SCLY: variants seen among roughly 807,000 people sequenced by gnomAD.
SCLY encodes the protein putative selenocysteine lyase.
In SCLY, 38 loss-of-function variants were observed where a neutral mutation model predicts 50.1. The observed-to-expected ratio is 0.76, with a 90% confidence interval of 0.59 to 0.99. The LOEUF is 0.99. SCLY is among the 50% of genes least tolerant of loss of function. The pLI is 0.00. For synonymous variants in SCLY, 243 were observed against 249.4 expected (o/e 0.97, Z 0.24); for missense variants, 600 against 620.0 (o/e 0.97, Z 0.34).
At position 238,066,538 on chromosome 2, in the gene SCLY, C is replaced by T. The variant is rs1381692454; in HGVS notation, c.203-1527C>T. ...TTGTCCACTATGTGGAGAATGGACCCTGGTGGGGGCCTGCTAGGAGAACAT... is the reference window on the plus strand; with the variant it reads ...TTGTCCACTATGTGGAGAATGGACCTTGGTGGGGGCCTGCTAGGAGAACAT... On this transcript the variant is annotated intron_variant, in intron 2 of 11. Coordinates refer to ENST00000254663, the MANE Select transcript of SCLY (RefSeq NM_016510.7). The surrounding 1 kb of genome is among the most constrained non-coding windows in gnomAD (Gnocchi z 4.1). Among the ~76,000 whole-genome samples, 1 of 152,178 alleles carries T rather than the reference C, an allele frequency of 6.6e-6. No homozygotes were observed. The highest frequency in any genetic ancestry group is 1.5e-5 in the Non-Finnish European group (1 of 68,034).
chr2:238,072,809 A>AT (rs2065140002), intron 4 of SCLY, among the ~76,000 whole-genome samples: 1 of 152,154 alleles, frequency 6.6e-6, no homozygotes, highest in Non-Finnish European at 1.5e-5. Flanking sequence ...ATTTGTAAAT[A>AT]TTTTCTCTCA....
intron 11 of SCLY, among the ~76,000 whole-genome samples, chr2:238,097,281 C>T (rs371451639): frequency 6.6e-6 from 1 of 152,208 alleles, no homozygotes; most frequent in East Asian, 1.9e-4. Flanking sequence ...TCAGATCAGC[C>T]ATCTGCAAGA....
At chr2:238,076,537 T>C (rs780850505) in intron 4 of SCLY, among the ~76,000 whole-genome samples, 1 of 152,034 alleles carries the variant, frequency 6.6e-6, no homozygotes, top group Non-Finnish European at 1.5e-5. Context: ...GTTTTTTTTT[T>C]CTATGACCCA....
In SCLY at chr2:238,093,846, T is replaced by C. The variant is rs769790594; in HGVS notation, c.922-15T>C. On this transcript the variant is annotated splice_polypyrimidine_tract_variant and intron_variant, in intron 8 of 11. Transcript: ENST00000254663. ...GCAAGAATTGTGCATCCACTTGTTG[T>C]GTGTCTGCCCCCAGGCCGCGGAGCT... 1 of 1,610,992 alleles carries C rather than the reference T, an allele frequency of 6.2e-7. No individual in the cohort carries two copies. Among genetic ancestry groups the C allele is most frequent in the Non-Finnish European group, 8.5e-7 (1 of 1,178,616 alleles).
At chr2:238,098,115 C>G in intron 11 of SCLY, 87 bp from the exon 12 acceptor site, 1 of 1,493,058 alleles carries the variant, frequency 6.7e-7, no homozygotes, top group Non-Finnish European at 9.0e-7. Context: ...GGCAGAGCCC[C>G]ACTAGGGGAG....
At position 238,081,690 on chromosome 2, in the gene SCLY, A is replaced by G. The variant is rs781371746; in HGVS notation, c.485-19A>G. ...ATCAATTTGTGCAGCTCAGTTCGGT[A>G]CTCATGTTTGTTTCCCAGCGGTCAC... is the stretch of plus-strand genomic sequence containing the variant. On this transcript the variant is annotated intron_variant, in intron 4 of 11. Transcript: ENST00000254663. 5.0e-6 allele frequency: 8 copies of G among 1,610,976 alleles called. No individual in the cohort carries two copies. The highest frequency in any genetic ancestry group is 5.9e-6 in the Non-Finnish European group (7 of 1,177,504).
chr2:238,081,967 G>T (rs371758974), intron 5 of SCLY, 78 bp from the exon 6 acceptor site: 4 of 1,579,430 alleles, frequency 2.5e-6, no homozygotes, highest in Non-Finnish European at 2.6e-6. Context: ...TTTGGCCTGC[G>T]CTCACTACTC....
At chr2:238,073,238 A>C (rs2065143254) in intron 4 of SCLY, among the ~76,000 whole-genome samples, 1 of 152,220 alleles carries the variant, frequency 6.6e-6, no homozygotes, top group South Asian at 2.1e-4. Context: ...TTAGATTGGT[A>C]CCAAACTGTT....
intron 4 of SCLY, among the ~76,000 whole-genome samples, chr2:238,071,215 G>C (rs765608146): frequency 2.0e-5 from 3 of 152,118 alleles, no homozygotes; most frequent in Non-Finnish European, 4.4e-5. Flanking sequence ...ATTAGTTACT[G>C]TTGTAATTAA....
At position 238,066,450 on chromosome 2, in the gene SCLY, A is replaced by T. The variant is rs2065072109; in HGVS notation, c.203-1615A>T. 6.6e-6 allele frequency among the ~76,000 whole-genome samples: 1 copy of T among 152,194 alleles called. No homozygotes were observed. The highest frequency in any genetic ancestry group is 2.4e-5 in the African/African-American group (1 of 41,438). ...ACTGAGCACCAGCTGTGTACTCAGCACCCTGTTGGGGGAGGGATGAAGCAC... is the reference window on the plus strand; with the variant it reads ...ACTGAGCACCAGCTGTGTACTCAGCTCCCTGTTGGGGGAGGGATGAAGCAC... On this transcript the variant is annotated intron_variant, in intron 2 of 11. Transcript: ENST00000254663. This position sits in a 1 kb window ranked among gnomAD's most constrained non-coding sequence, Gnocchi z 4.1.
chr2:238,096,574 T>G (rs781533262), intron 10 of SCLY, among the ~76,000 whole-genome samples: 5 of 152,230 alleles, frequency 3.3e-5, no homozygotes, highest in Non-Finnish European at 5.9e-5. Flanking sequence ...AGGCCAGCTT[T>G]GTGAGGCAGA....
At position 238,067,939 on chromosome 2, in the gene SCLY, G is replaced by A; in HGVS notation, c.203-126G>A. 1.6e-6 allele frequency: 1 copy of A among 638,064 alleles called. No individual in the cohort carries two copies. Among genetic ancestry groups the A allele is most frequent in the African/African-American group, 1.9e-5 (1 of 53,822 alleles). 39.5% of individuals were successfully genotyped at this position (638,064 alleles called of 1,614,324 possible). The stretch of plus-strand genomic sequence containing the variant: ...AGCATTTTGCTGTGCTCACATTAAG[G>A]GGCCAGGTTTTGTCTTAGAACGGCC... On this transcript the variant is annotated intron_variant, in intron 2 of 11. Transcript: ENST00000254663. This position sits in a 1 kb window ranked among gnomAD's most constrained non-coding sequence, Gnocchi z 4.3.
In SCLY at chr2:238,098,206, TC is replaced by T; in HGVS notation, c.1193del (p.Pro398GlnfsTer4). 1 of 1,604,820 alleles carries T rather than the reference TC, an allele frequency of 6.2e-7. No homozygotes were observed. On this transcript the variant is annotated frameshift_variant, in exon 12 of 12. Transcript: ENST00000254663. LOFTEE classifies it high-confidence loss of function. ...ACHSDHGDQP[S>X]PVLLSYGVPF... is the part of the protein sequence containing the mutation. Reference sequence around the variant, plus strand: ...GCTCGGTCTCGCCCTCCCCAGGCCGTCCCCAGTGCTGCTGAGCTACGGTGTC... The same window carrying T: ...GCTCGGTCTCGCCCTCCCCAGGCCGTCCCAGTGCTGCTGAGCTACGGTGTC...
At position 238,098,577 on chromosome 2, in the gene SCLY, GGGACCGCCCACATA is replaced by G. The variant is rs1244247305; in HGVS notation, c.*250_*263del. The G allele has an allele frequency of 1.8e-3, 619 of 336,954 alleles. 15 individuals are homozygous for G. The highest frequency in any genetic ancestry group is 3.7e-3 in the South Asian group (58 of 15,764). The allele number at this position is 336,954 out of a possible 1,614,324, so 20.9% of individuals were successfully genotyped here. ...CAACGCCGCATAGGACTGCCCACAT[GGGACCGCCCACATA>G]GGACCGCCCACATAGGACCGCCCAC... On this transcript the variant is annotated 3_prime_UTR_variant, in exon 12 of 12. Transcript: ENST00000254663.
intron 11 of SCLY, among the ~76,000 whole-genome samples, chr2:238,097,627 G>A (rs1270140763): frequency 1.3e-5 from 2 of 152,132 alleles, no homozygotes; most frequent in African/African-American, 4.8e-5. Flanking sequence ...CCTTTGTTGG[G>A]GGGACAGTGC....
At chr2:238,091,540 GCAGGTTC>G in intron 8 of SCLY, 16 of 358,316 alleles carry the variant, frequency 4.5e-5, no homozygotes, top group Admixed American at 8.9e-5. Context: ...GTGTCAAGCT[GCAGGTTC>G]ACCATTCCCA....
Position 238,098,636 on chromosome 2 carries a change from ACCGCCCACATG to A in SCLY, c.*282_*292del, listed in dbSNP as rs1559254824. 1.2e-4 allele frequency: 48 copies of A among 415,244 alleles called. No homozygotes were observed. The highest frequency in any genetic ancestry group is 9.4e-4 in the African/African-American group (45 of 47,864). The allele number at this position is 415,244 out of a possible 1,614,324, so 25.7% of individuals were successfully genotyped here. A position where few individuals can be genotyped will look rare whatever the true frequency, so the allele number is the denominator to read the frequency against. Reference sequence around the variant, plus strand: ...GCCCACATGGGACCGCCCACATGGGACCGCCCACATGGGACCGCCCACATAGAACCGTCCTC... The same window carrying A: ...GCCCACATGGGACCGCCCACATGGGAGGACCGCCCACATAGAACCGTCCTC... On this transcript the variant is annotated 3_prime_UTR_variant, in exon 12 of 12. Coordinates refer to ENST00000254663, the MANE Select transcript of SCLY (RefSeq NM_016510.7).
intron 10 of SCLY, 193 bp downstream of exon 10, chr2:238,094,715 G>A: frequency 1.8e-6 from 1 of 563,676 alleles, no homozygotes; most frequent in East Asian, 3.0e-5. Flanking sequence ...CTCGCCGCTG[G>A]CCCCTCCTCT....
intron 8 of SCLY, 48 bp from the exon 9 acceptor site, chr2:238,093,813 T>C (rs947208084): frequency 6.4e-7 from 1 of 1,570,040 alleles, no homozygotes; most frequent in South Asian, 1.2e-5. Flanking sequence ...TTGGCCCTCC[T>C]TTATTTTGCA....
Sources: gnomAD v4.1 joint callset for allele counts (sites outside exome capture counted in the v4.1 genomes callset) on GRCh38, gnomAD v4.1.1 for gene constraint, Gnocchi (gnomAD v3.1) non-coding constraint, MANE v1.5 for transcripts, NCBI Gene and HGNC (gene_info 2026-07-23, HGNC 2026-07-21) for gene names.